FRAS1: variants seen among roughly 807,000 people sequenced by gnomAD.
FRAS1 encodes Fraser extracellular matrix complex subunit 1, also known as extracellular matrix organizing protein FRAS1.
In FRAS1, 290 loss-of-function variants were observed where a neutral mutation model predicts 435.2. The ratio of observed to expected loss-of-function variants is 0.67; its 90% CI spans 0.61 to 0.73. The LOEUF (loss-of-function observed/expected upper bound fraction) is 0.73, where lower values mean the gene tolerates loss of function less well. Among genes scored for constraint, FRAS1 ranks in the 30% least tolerant of loss-of-function variants. FRAS1 has a pLI of 0.00. For synonymous variants in FRAS1, 1,800 were observed against 1,851.0 expected, an observed-to-expected ratio of 0.97 and a Z score of 0.71; for missense variants, 4,860 against 5,001.5, an observed-to-expected ratio of 0.97 and a Z score of 0.85.
At chr4:78,274,595 G>T (rs1726897554) in intron 9 of FRAS1, among the ~76,000 whole-genome samples, 1 of 152,156 alleles carries the variant, frequency 6.6e-6, no homozygotes, top group South Asian at 2.1e-4. Flanking sequence ...TCAGGAGCAG[G>T]TTGTTCATTT....
intron 29 of FRAS1, among the ~76,000 whole-genome samples, chr4:78,395,991 A>G (rs1732644858): frequency 6.6e-6 from 1 of 150,596 alleles, no homozygotes; most frequent in Non-Finnish European, 1.5e-5. Context: ...GTATGTTTTT[A>G]TTTATTTCTC....
intron 2 of FRAS1, among the ~76,000 whole-genome samples, chr4:78,145,698 C>T (rs1720390708): frequency 6.6e-6 from 1 of 152,138 alleles, no homozygotes; most frequent in Non-Finnish European, 1.5e-5. Context: ...ATAAGAACTA[C>T]ATCAAGAGAT....
intron 2 of FRAS1, among the ~76,000 whole-genome samples, chr4:78,188,749 T>C: frequency 6.6e-6 from 1 of 152,212 alleles, no homozygotes; most frequent in East Asian, 1.9e-4. Flanking sequence ...AGATTTTATA[T>C]GGACTCTGTA....
At chr4:78,202,295 G>C (rs768666698) in intron 2 of FRAS1, among the ~76,000 whole-genome samples, 1 of 152,072 alleles carries the variant, frequency 6.6e-6, no homozygotes, top group African/African-American at 2.4e-5. Flanking sequence ...TTCCAAATTC[G>C]TGCCCCCTCA....
chr4:78,157,657 T>C (rs1428133287), intron 2 of FRAS1, among the ~76,000 whole-genome samples: 2 of 152,188 alleles, frequency 1.3e-5, no homozygotes, highest in Non-Finnish European at 2.9e-5. Context: ...CACTTTTTAA[T>C]TTGGTTGTTT....
At chr4:78,519,874 A>G (rs1721334358) in intron 67 of FRAS1, among the ~76,000 whole-genome samples, 1 of 152,238 alleles carries the variant, frequency 6.6e-6, no homozygotes, top group East Asian at 1.9e-4. Context: ...GGAAATGGAA[A>G]AATGTGTCAA....
chr4:78,455,016 T>C (rs1719143429), intron 47 of FRAS1, among the ~76,000 whole-genome samples: 1 of 152,140 alleles, frequency 6.6e-6, no homozygotes, highest in Admixed American at 6.5e-5. Context: ...TATTTCCTAA[T>C]TCACACCTTT....
chr4:78,510,726 G>C (rs564333106), intron 63 of FRAS1, among the ~76,000 whole-genome samples: 1 of 152,312 alleles, frequency 6.6e-6, no homozygotes, highest in South Asian at 2.1e-4. Flanking sequence ...TCAAAGACTA[G>C]AAGGTGTCAG....
chr4:78,489,963 GAAAAC>G (rs1203686404), intron 59 of FRAS1, among the ~76,000 whole-genome samples: 8 of 6,078 alleles, frequency 1.3e-3, no homozygotes, highest in African/African-American at 2.1e-3. Context: ...AAAGCTAGTG[GAAAAC>G]AAAAAAAAAA....
intron 2 of FRAS1, among the ~76,000 whole-genome samples, chr4:78,175,311 G>A (rs1037393022): frequency 6.6e-6 from 1 of 152,082 alleles, no homozygotes; most frequent in African/African-American, 2.4e-5. Context: ...TCTTTTCTTG[G>A]TCAGACCAGC....
At chr4:78,420,076 G>C (rs148346388) in intron 33 of FRAS1, among the ~76,000 whole-genome samples, 1 of 152,088 alleles carries the variant, frequency 6.6e-6, no homozygotes, top group Non-Finnish European at 1.5e-5. Context: ...GTCCAGTAGA[G>C]GTGCAGCTGC....
Position 78,488,908 on chromosome 4 carries a change from T to C in FRAS1, c.8786T>C (p.Leu2929Pro). ...PSMQFAKDLLLVKEKEGVLHV... is the reference protein window; with the variant it reads ...PSMQFAKDLLPVKEKEGVLHV... ...ATGCAGTTTGCCAAGGATTTGCTCC[T>C]AGTGAAGGAGAAGGAGGGTGTCCTG... The change falls in exon 59 of 74, where the codon CTA becomes CCA. Residue 2929 changes from leucine (L) to proline (P), a missense_variant. Leu to Pro is a moderately conservative substitution (Grantham distance 98). Transcript: ENST00000512123. The C allele has an allele frequency of 6.2e-7, 1 of 1,613,140 alleles. No homozygotes were observed. Among genetic ancestry groups the C allele is most frequent in the African/African-American group, 1.3e-5 (1 of 75,030 alleles).
At chr4:78,486,099 G>A (rs12646871) in intron 58 of FRAS1, among the ~76,000 whole-genome samples, 19,048 of 152,122 alleles carry the variant, frequency 0.13, 1,369 homozygotes, top group East Asian at 0.22. Context: ...TAGCTGCTAC[G>A]GTATCACCCT....
chr4:78,308,120 C>G lies in FRAS1; in HGVS notation c.1589C>G (p.Ala530Gly). Residue 530 changes from alanine (A) to glycine (G), a missense_variant, in exon 15 of 74, where the codon GCC becomes GGC. Physicochemically the swap from Ala to Gly is moderately conservative, Grantham distance 60 (BLOSUM62 0). Transcript: ENST00000512123. ...GGCCCAACGGAGAAGCACTGCTTGGCCTGCAGAGATCCCCTCCACGTGCTG... is the reference window on the plus strand; with the variant it reads ...GGCCCAACGGAGAAGCACTGCTTGGGCTGCAGAGATCCCCTCCACGTGCTG... ...CWGPTEKHCL[A>G]CRDPLHVLRD... 6.2e-7 allele frequency: 1 copy of G among 1,613,878 alleles called. No individual in the cohort carries two copies.
chr4:78,060,117 C>T (rs1162157026), intron 1 of FRAS1, among the ~76,000 whole-genome samples: 1 of 151,862 alleles, frequency 6.6e-6, no homozygotes, highest in African/African-American at 2.4e-5. Flanking sequence ...GTATTGTTTG[C>T]CTGGCTCTTT....
At chr4:78,464,247 C>T (rs560535461) in intron 48 of FRAS1, 102 bp downstream of exon 48, 18 of 1,446,100 alleles carry the variant, frequency 1.2e-5, no homozygotes, top group African/African-American at 5.7e-5. Flanking sequence ...GCTTCATTTT[C>T]CTCTGCTCTC....
At chr4:78,341,927 T>C (rs1290179311) in intron 20 of FRAS1, among the ~76,000 whole-genome samples, 1 of 152,192 alleles carries the variant, frequency 6.6e-6, no homozygotes, top group Non-Finnish European at 1.5e-5. Flanking sequence ...AGTGTTGCCC[T>C]GAACCTAAAG....
intron 2 of FRAS1, among the ~76,000 whole-genome samples, chr4:78,165,777 C>G (rs1721311531): frequency 6.6e-6 from 1 of 152,058 alleles, no homozygotes; most frequent in Non-Finnish European, 1.5e-5. Flanking sequence ...GACTGGACAA[C>G]AAGATGAGAG....
chr4:78,112,785 G>A lies in FRAS1; in HGVS notation c.108+46769G>A, dbSNP rs78738917. Among the ~76,000 whole-genome samples the A allele has an allele frequency of 4.5e-3, 674 of 150,002 alleles. 4 individuals are homozygous for A. The highest frequency in any genetic ancestry group is 0.015 in the African/African-American group (595 of 40,826). On this transcript the variant is annotated intron_variant, in intron 2 of 73. Coordinates refer to ENST00000512123, the MANE Select transcript of FRAS1 (RefSeq NM_025074.7). ...AGCTATGTCAGCAAGTTAAGGTCGG[G>A]CATTTTATTTTTTTAAATTTTTACT...
Sources: gnomAD v4.1 joint callset for allele counts (sites outside exome capture counted in the v4.1 genomes callset) on GRCh38, gnomAD v4.1.1 for gene constraint, MANE v1.5 for transcripts, NCBI Gene and HGNC (gene_info 2026-07-23, HGNC 2026-07-21) for gene names.